Variants in UNC13C observed in about 807,000 individuals in gnomAD.
UNC13C encodes the protein unc-13 homolog C.
UNC13C carries 174 observed loss-of-function variants against 245.4 expected under a neutral mutation model. The observed-to-expected ratio is 0.71, with a 90% CI of 0.63 to 0.80. The LOEUF (loss-of-function observed/expected upper bound fraction) is 0.80, where lower values mean the gene tolerates loss of function less well. UNC13C is among the 30% of genes least tolerant of loss of function. The pLI, the probability that UNC13C is intolerant of heterozygous loss-of-function variation, is 0.00. For missense variants in UNC13C, 2,829 were observed against 2,602.9 expected (o/e 1.09, Z -1.89); for synonymous variants, 992 against 895.1 (o/e 1.11, Z -1.93).
chr15:54,558,338 C>A (rs1025138785), intron 29 of UNC13C, among the ~76,000 whole-genome samples: 2 of 152,088 alleles, frequency 1.3e-5, no homozygotes, highest in South Asian at 2.1e-4. Flanking sequence ...GGCCATAGCT[C>A]TGCTAGTAAT....
intron 2 of UNC13C, among the ~76,000 whole-genome samples, chr15:54,031,407 T>C (rs965727846): frequency 6.6e-6 from 1 of 152,210 alleles, no homozygotes; most frequent in African/African-American, 2.4e-5. Context: ...GTATTTTTAG[T>C]AGAGACGGGG....
chr15:54,621,772 C>G (rs148729603), intron 30 of UNC13C, among the ~76,000 whole-genome samples: 47 of 152,294 alleles, frequency 3.1e-4, no homozygotes, highest in African/African-American at 1.1e-3. Flanking sequence ...CCCTTTCCAA[C>G]ACAATAAGTT....
chr15:54,000,316 C>A (rs934492863), intron 1 of UNC13C, among the ~76,000 whole-genome samples: 1 of 152,076 alleles, frequency 6.6e-6, no homozygotes, highest in Non-Finnish European at 1.5e-5. Flanking sequence ...CAAGTAACCT[C>A]TCCAAACTTT....
chr15:53,925,464 G>A, the UNC13C span, among the ~76,000 whole-genome samples: 5,645 of 152,132 alleles, frequency 0.037, 368 homozygotes, highest in African/African-American at 0.13. Context: ...CCACACACCT[G>A]GATTTGGAAG....
chr15:53,969,889 GA>G, the UNC13C span, among the ~76,000 whole-genome samples: 1 of 151,888 alleles, frequency 6.6e-6, no homozygotes, highest in Non-Finnish European at 1.5e-5. Context: ...CCTTGCTCCT[GA>G]CAACCACTCT....
In UNC13C at chr15:54,013,220, C is replaced by T. The variant is rs754212718; in HGVS notation, c.317C>T (p.Ala106Val). ...ATTGCCAATGGCCTACAAAAGAATG[C>T]TAAAGTAACCAACAGTGATAATGAG... is the stretch of plus-strand genomic sequence containing the variant. ...VAIANGLQKN[A>V]KVTNSDNEDL... Residue 106 changes from alanine to valine, a missense_variant, in exon 2 of 33, where the codon GCT becomes GTT. Transcript: ENST00000260323. 3.1e-6 allele frequency: 5 copies of T among 1,613,758 alleles called. No homozygotes were observed. Among genetic ancestry groups the T allele is most frequent in the Non-Finnish European group, 4.2e-6 (5 of 1,179,820 alleles).
chr15:54,170,616 T>C (rs766718656), intron 4 of UNC13C, among the ~76,000 whole-genome samples: 3 of 152,166 alleles, frequency 2.0e-5, no homozygotes, highest in Non-Finnish European at 2.9e-5. Flanking sequence ...AGCCATTTCA[T>C]TTGAACAGGT....
At chr15:54,050,987 T>G in intron 2 of UNC13C, 1 of 481,894 alleles carries the variant, frequency 2.1e-6, no homozygotes, top group East Asian at 5.6e-5. Flanking sequence ...CCAAGAAGCC[T>G]CTCGATCTCC....
intron 4 of UNC13C, among the ~76,000 whole-genome samples, chr15:54,191,316 C>A (rs991027583): frequency 6.6e-6 from 1 of 152,012 alleles, no homozygotes; most frequent in African/African-American, 2.4e-5. Context: ...TTTTCTGTTG[C>A]TGTGTTAGTT....
chr15:54,234,962 C>A (rs755077509), intron 4 of UNC13C, 68 bp from the exon 5 acceptor site: 6 of 1,352,584 alleles, frequency 4.4e-6, no homozygotes, highest in Non-Finnish European at 6.3e-6. Flanking sequence ...ATACCATGAA[C>A]AGTGGATGTT....
chr15:54,045,767 T>G (rs1182697686), intron 2 of UNC13C, among the ~76,000 whole-genome samples: 89 of 152,352 alleles, frequency 5.8e-4, no homozygotes, highest in Non-Finnish European at 5.9e-5. Context: ...GAGAATATCC[T>G]ATTTTTCATC....
intron 30 of UNC13C, among the ~76,000 whole-genome samples, chr15:54,614,109 G>A (rs545375662): frequency 4.6e-5 from 7 of 151,998 alleles, no homozygotes; most frequent in South Asian, 4.1e-4. Flanking sequence ...AATAATGTTC[G>A]TGTTCTTCTC....
At chr15:54,420,824 A>G (rs1271536961) in intron 19 of UNC13C, among the ~76,000 whole-genome samples, 1 of 152,120 alleles carries the variant, frequency 6.6e-6, no homozygotes, top group East Asian at 1.9e-4. Context: ...AACCCTCTCT[A>G]GTTTTCCTCA....
chr15:54,443,446 C>T (rs575468955), intron 19 of UNC13C, among the ~76,000 whole-genome samples: 1 of 151,776 alleles, frequency 6.6e-6, no homozygotes, highest in South Asian at 2.1e-4. Flanking sequence ...CAACTAATTT[C>T]GGATTTGGTT....
intron 2 of UNC13C, among the ~76,000 whole-genome samples, chr15:54,106,348 G>C (rs543831083): frequency 2.0e-5 from 3 of 152,206 alleles, no homozygotes. Context: ...GTCTTGAAGA[G>C]AATAAATATT....
chr15:54,120,595 T>C (rs574638963), intron 2 of UNC13C, among the ~76,000 whole-genome samples: 1 of 152,140 alleles, frequency 6.6e-6, no homozygotes, highest in Admixed American at 6.5e-5. Context: ...ATTTAAGAAA[T>C]ACATTTTGTA....
chr15:54,312,758 A>C (rs2037908397), intron 13 of UNC13C, among the ~76,000 whole-genome samples: 1 of 151,774 alleles, frequency 6.6e-6, no homozygotes, highest in African/African-American at 2.4e-5. Flanking sequence ...CTTGCTTGGC[A>C]GCAGTCTAGG....
chr15:54,324,209 T>A (rs2038236311), intron 14 of UNC13C, among the ~76,000 whole-genome samples: 1 of 152,060 alleles, frequency 6.6e-6, no homozygotes. Flanking sequence ...TATACCTAAG[T>A]ATATCTCCTG....
chr15:54,181,011 C>A (rs8039173), intron 4 of UNC13C, among the ~76,000 whole-genome samples: 2 of 151,734 alleles, frequency 1.3e-5, no homozygotes, highest in South Asian at 4.2e-4. Context: ...GTCCTACTTG[C>A]CAACTTTTGT....
Sources: gnomAD v4.1 joint callset for allele counts (sites outside exome capture counted in the v4.1 genomes callset) on GRCh38, gnomAD v4.1.1 for gene constraint, MANE v1.5 for transcripts, NCBI Gene and HGNC (gene_info 2026-07-23, HGNC 2026-07-21) for gene names.